The following CUEDC2 variants were observed in gnomAD, a reference collection of about 807,000 sequenced individuals.
CUEDC2 encodes CUE domain-containing protein 2.
In CUEDC2, 10 loss-of-function variants were observed where a neutral mutation model predicts 36.0. That is an observed-to-expected ratio of 0.28 (90% CI 0.17 to 0.47). CUEDC2 has a LOEUF of 0.47. Ranked by LOEUF, CUEDC2 falls within the 20% of genes least tolerant of loss-of-function variation. The pLI, the probability that CUEDC2 is intolerant of heterozygous loss-of-function variation, is 0.99. For synonymous variants in CUEDC2, 133 were observed against 141.8 expected (o/e 0.94, Z 0.44); for missense variants, 269 against 368.1 (o/e 0.73, Z 2.20).
rs1255641563 is a variant in CUEDC2 at position 102,424,741 on chromosome 10, C to T, written c.126G>A (p.Leu42=). 1 of 1,614,026 alleles carries T rather than the reference C, an allele frequency of 6.2e-7. No individual in the cohort carries two copies. Among genetic ancestry groups the T allele is most frequent in the East Asian group, 2.2e-5 (1 of 44,880 alleles). ...TCTCCTCTGATGGGCCCGAGGGGCC[C>T]AGGTCCTCCAGGACCCCAAGCACAT... ...FSYVLGVLED[L]GPSGPSEENF... The change falls in exon 3 of 9, where the codon CTG becomes CTA. Residue 42 remains leucine, a synonymous_variant. Transcript: ENST00000369937. This position sits in a 1 kb window ranked among gnomAD's most constrained non-coding sequence, Gnocchi z 4.2.
Position 102,424,822 on chromosome 10 carries a change from G to A in CUEDC2, c.75-30C>T. On this transcript the variant is annotated intron_variant, in intron 2 of 8. Coordinates refer to ENST00000369937, the MANE Select transcript of CUEDC2 (RefSeq NM_024040.3). This position sits in a 1 kb window ranked among gnomAD's most constrained non-coding sequence, Gnocchi z 4.2. Reference sequence around the variant, plus strand: ...AGGAAGGGAACAGGACAAGCCCTGGGTAGGACACTGGATGCCTCCAGCACC... The same window carrying A: ...AGGAAGGGAACAGGACAAGCCCTGGATAGGACACTGGATGCCTCCAGCACC... 1 of 1,606,816 alleles carries A rather than the reference G, an allele frequency of 6.2e-7. No individual in the cohort carries two copies. Among genetic ancestry groups the A allele is most frequent in the Non-Finnish European group, 8.5e-7 (1 of 1,177,886 alleles).
rs779358967 is a variant in CUEDC2, at chr10:102,424,786, C to T, written c.81G>A (p.Leu27=). ...THLPEADLSG[L]DEVIFSYVLG... The stretch of plus-strand genomic sequence containing the variant: ...GCACATAGGAGAAGATGACCTCATC[C>T]AAGCCACTGCAGGAAGGGAACAGGA... The change falls in exon 3 of 9, where the codon TTG becomes TTA. Residue 27 remains leucine (L), a synonymous_variant. Transcript: ENST00000369937. The surrounding 1 kb of genome is among the most constrained non-coding windows in gnomAD (Gnocchi z 4.2). 2 of 1,612,706 alleles carry T rather than the reference C, an allele frequency of 1.2e-6. No individual in the cohort carries two copies. The highest frequency in any genetic ancestry group is 1.7e-6 in the Non-Finnish European group (2 of 1,179,884).
Position 102,423,299 on chromosome 10 carries a change from T to A in CUEDC2, c.*127A>T. ...CATGGAGGCAGCTCCGAGAGTAGGT[T>A]AACACTATGGAGCAAAGGAGTAGAG... On this transcript the variant is annotated 3_prime_UTR_variant, in exon 9 of 9. Transcript: ENST00000369937. This position sits in a 1 kb window ranked among gnomAD's most constrained non-coding sequence, Gnocchi z 5.6. The A allele has an allele frequency of 8.1e-7, 1 of 1,230,048 alleles. No homozygotes were observed. Among genetic ancestry groups the A allele is most frequent in the South Asian group, 1.4e-5 (1 of 73,820 alleles). The allele number at this position is 1,230,048 out of a possible 1,614,324, so 76.2% of individuals were successfully genotyped here.
chr10:102,429,252 G>T (rs1017942942), intron 1 of CUEDC2, among the ~76,000 whole-genome samples: 1 of 151,892 alleles, frequency 6.6e-6, no homozygotes, highest in Non-Finnish European at 1.5e-5. Context: ...ACTAAACACC[G>T]GGCTGACATT....
Position 102,424,640 on chromosome 10 carries a change from A to T in CUEDC2, c.218+9T>A, listed in dbSNP as rs755287238. On this transcript the variant is annotated intron_variant, in intron 3 of 8. Transcript: ENST00000369937. This position sits in a 1 kb window ranked among gnomAD's most constrained non-coding sequence, Gnocchi z 4.2. ...CCCCTTCCTCCTCCTGGCCCTAGCC[A>T]GAACCTACCTGGGGATGTGGGCGAA... 51 of 1,614,082 alleles carry T rather than the reference A, an allele frequency of 3.2e-5. No individual in the cohort carries two copies. The highest frequency in any genetic ancestry group is 4.2e-5 in the Non-Finnish European group (49 of 1,180,018).
At chr10:102,430,792 C>G (rs2061614365) in intron 1 of CUEDC2, among the ~76,000 whole-genome samples, 1 of 152,218 alleles carries the variant, frequency 6.6e-6, no homozygotes, top group Non-Finnish European at 1.5e-5. Flanking sequence ...TGGGGAAGAT[C>G]TGGTCTGCCA....
At chr10:102,425,445 C>T (rs2061592656) in intron 1 of CUEDC2, among the ~76,000 whole-genome samples, 1 of 135,972 alleles carries the variant, frequency 7.4e-6, no homozygotes, top group East Asian at 2.6e-4. Flanking sequence ...CCCCACCCCC[C>T]TACCTCTCCC....
intron 1 of CUEDC2, among the ~76,000 whole-genome samples, chr10:102,426,510 T>A (rs928554272): frequency 6.6e-6 from 1 of 152,208 alleles, no homozygotes; most frequent in African/African-American, 2.4e-5. Flanking sequence ...TTGCCCTCTT[T>A]CACCCCTACC....
rs2061582372 is a variant in CUEDC2, at chr10:102,423,340, T to C, written c.*86A>G. 7 of 1,511,634 alleles carry C rather than the reference T, an allele frequency of 4.6e-6. No homozygotes were observed. The highest frequency in any genetic ancestry group is 6.4e-6 in the Non-Finnish European group (7 of 1,093,694). 93.6% of individuals were successfully genotyped at this position (1,511,634 alleles called of 1,614,324 possible). On this transcript the variant is annotated 3_prime_UTR_variant, in exon 9 of 9. Transcript: ENST00000369937. This position sits in a 1 kb window ranked among gnomAD's most constrained non-coding sequence, Gnocchi z 5.6. The stretch of plus-strand genomic sequence containing the variant: ...AGGAGTAGAGAAGGGGGACAGGAGT[T>C]AGGGGGCCCCTGTGTAGGGGTATAG...
chr10:102,426,859 G>GA (rs1206986031), intron 1 of CUEDC2, among the ~76,000 whole-genome samples: 2 of 151,576 alleles, frequency 1.3e-5, no homozygotes, highest in Non-Finnish European at 2.9e-5. Flanking sequence ...TTGAGTCCAG[G>GA]GTTCGAGACC....
intron 1 of CUEDC2, among the ~76,000 whole-genome samples, chr10:102,428,607 G>A (rs551083972): frequency 1.3e-5 from 2 of 152,274 alleles, no homozygotes; most frequent in Non-Finnish European, 2.9e-5. Context: ...TCCTTGGCTG[G>A]GCACGGTGCC....
rs779675669 is a variant in CUEDC2 at position 102,424,815 on chromosome 10, G to A, written c.75-23C>T. On this transcript the variant is annotated intron_variant, in intron 2 of 8. Coordinates refer to ENST00000369937, the MANE Select transcript of CUEDC2 (RefSeq NM_024040.3). This position sits in a 1 kb window ranked among gnomAD's most constrained non-coding sequence, Gnocchi z 4.2. The stretch of plus-strand genomic sequence containing the variant: ...CCACTGCAGGAAGGGAACAGGACAA[G>A]CCCTGGGTAGGACACTGGATGCCTC... The A allele has an allele frequency of 8.7e-6, 14 of 1,609,848 alleles. No homozygotes were observed. The highest frequency in any genetic ancestry group is 1.1e-5 in the Non-Finnish European group (13 of 1,179,226).
chr10:102,425,221 G>T, intron 1 of CUEDC2, 23 bp from the exon 2 acceptor site: 1 of 1,593,700 alleles, frequency 6.3e-7, no homozygotes, highest in Non-Finnish European at 8.6e-7. Context: ...AGACAGGATG[G>T]CCAGGCCTTC....
intron 1 of CUEDC2, among the ~76,000 whole-genome samples, chr10:102,431,171 G>A (rs911024075): frequency 3.9e-5 from 6 of 151,952 alleles, no homozygotes; most frequent in Non-Finnish European, 8.8e-5. Context: ...ACGGAGTCTC[G>A]CTCTGCCATC....
In CUEDC2 at chr10:102,424,152, C is replaced by T. The variant is rs2061586298; in HGVS notation, c.438G>A (p.Leu146=). The T allele has an allele frequency of 6.2e-7, 1 of 1,613,890 alleles. No homozygotes were observed. Among genetic ancestry groups the T allele is most frequent in the South Asian group, 1.1e-5 (1 of 91,082 alleles). The change falls in exon 6 of 9, where the codon CTG becomes CTA. Residue 146 remains leucine, a synonymous_variant. Coordinates refer to ENST00000369937, the MANE Select transcript of CUEDC2 (RefSeq NM_024040.3). The surrounding 1 kb of genome is among the most constrained non-coding windows in gnomAD (Gnocchi z 4.2). The stretch of plus-strand genomic sequence containing the variant: ...CCTCCAGGAGTACATCCACCCCTGG[C>T]AGAAGCTCCTCCTCAGCGCCAGTTG... ...DEATGAEEEL[L]PGVDVLLEVF...
rs190809867 is a variant in CUEDC2, at chr10:102,423,847, G to A, written c.607C>T (p.Arg203Cys). The A allele has an allele frequency of 2.7e-4, 438 of 1,613,332 alleles. 1 individual carries two copies. The African/African-American group carries it at 3.6e-3, about 13-fold the overall frequency. ...WEGPNQDLPR[R>C]LRGPQKDELK... is the part of the protein sequence containing the mutation. ...TCATCCTTTTGGGGGCCTCTGAGGC[G>A]TCTGGGCAGGTCCTGCAGAGAGGGG... Residue 203 changes from arginine to cysteine, a missense_variant, in exon 7 of 9, where the codon CGC becomes TGC. Coordinates refer to ENST00000369937, the MANE Select transcript of CUEDC2 (RefSeq NM_024040.3). This position sits in a 1 kb window ranked among gnomAD's most constrained non-coding sequence, Gnocchi z 5.6.
Position 102,423,695 on chromosome 10 carries a change from C to T in CUEDC2, c.679G>A (p.Glu227Lys). The T allele has an allele frequency of 6.2e-7, 1 of 1,614,228 alleles. No homozygotes were observed. The highest frequency in any genetic ancestry group is 8.5e-7 in the Non-Finnish European group (1 of 1,180,038). The change falls in exon 8 of 9, where the codon GAG (glutamate) becomes AAG (lysine). Residue 227 changes from glutamate (E) to lysine (K), a missense_variant. Transcript: ENST00000369937. The surrounding 1 kb of genome is among the most constrained non-coding windows in gnomAD (Gnocchi z 5.6). ...LQKYMMVDSA[E>K]DQKIHRPMAP... ...ATGGGCCGGTGAATCTTCTGATCCT[C>T]TGCGCTATCCACCATCATGTACCTG...
rs182661552 is a variant in CUEDC2 at position 102,424,193 on chromosome 10, G to A, written c.412-15C>T. The A allele has an allele frequency of 4.7e-4, 750 of 1,612,730 alleles. 4 individuals are homozygous for A. Among genetic ancestry groups the A allele is most frequent in the Non-Finnish European group, 1.2e-4 (139 of 1,179,210 alleles). The stretch of plus-strand genomic sequence containing the variant: ...GCGCCAGTTGCCTAAGGGTACAAAC[G>A]TTAACAAGAGGCAATACTCCCCCCT... On this transcript the variant is annotated splice_polypyrimidine_tract_variant and intron_variant, in intron 5 of 8. Transcript: ENST00000369937. The surrounding 1 kb of genome is among the most constrained non-coding windows in gnomAD (Gnocchi z 4.2).
intron 1 of CUEDC2, among the ~76,000 whole-genome samples, chr10:102,428,819 C>A (rs1050511506): frequency 2.6e-5 from 4 of 152,086 alleles, no homozygotes; most frequent in African/African-American, 9.7e-5. Context: ...GTCAGGAGAT[C>A]AAGACCATCT....
Sources: allele counts gnomAD v4.1 joint callset (sites outside exome capture counted in the v4.1 genomes callset), GRCh38; gene constraint gnomAD v4.1.1; non-coding constraint Gnocchi (gnomAD v3.1); transcripts MANE v1.5; gene names NCBI Gene and HGNC (gene_info 2026-07-23, HGNC 2026-07-21).